TMEM130: variants seen among roughly 807,000 people sequenced by gnomAD.
TMEM130 encodes the protein transmembrane protein 130.
In TMEM130, 37 loss-of-function variants were observed where a neutral mutation model predicts 42.9. The ratio of observed to expected loss-of-function variants is 0.86; its 90% CI spans 0.66 to 1.13. The LOEUF is 1.13. Ranked by LOEUF, TMEM130 falls within the 50% of genes most tolerant of loss-of-function variation. The pLI is 0.00. For missense variants in TMEM130, 545 were observed against 562.6 expected (o/e 0.97, Z 0.32); for synonymous variants, 259 against 237.7 (o/e 1.09, Z -0.82).
At chr7:98,850,807 A>G (rs1481943931) in intron 6 of TMEM130, among the ~76,000 whole-genome samples, 1 of 152,184 alleles carries the variant, frequency 6.6e-6, no homozygotes, top group Non-Finnish European at 1.5e-5. Flanking sequence ...TAGCAGTGGC[A>G]ACTGCTGGGG....
chr7:98,865,035 T>G (rs951147501), intron 1 of TMEM130, among the ~76,000 whole-genome samples: 6 of 152,256 alleles, frequency 3.9e-5, no homozygotes, highest in African/African-American at 1.4e-4. Context: ...CTGCTATGCT[T>G]CAAACTCGTT....
At chr7:98,854,283 G>C (rs1394284023) in intron 5 of TMEM130, among the ~76,000 whole-genome samples, 1 of 152,146 alleles carries the variant, frequency 6.6e-6, no homozygotes, top group African/African-American at 2.4e-5. Context: ...GGAGAGAAGA[G>C]AACCCTGAAA....
At chr7:98,864,673 C>T (rs781862023) in intron 1 of TMEM130, among the ~76,000 whole-genome samples, 32 of 151,970 alleles carry the variant, frequency 2.1e-4, no homozygotes, top group Middle Eastern at 3.4e-3. Flanking sequence ...CCGAGGTAAG[C>T]GGATTACTTG....
rs141305554 is a variant in TMEM130 at position 98,857,932 on chromosome 7, G to T, written c.552-1749C>A. Among the ~76,000 whole-genome samples the T allele has an allele frequency of 6.5e-3, 983 of 151,716 alleles. 8 individuals are homozygous for T. The highest frequency in any genetic ancestry group is 0.023 in the African/African-American group (956 of 41,384). ...TTGTTTTGCATTTTTAGTACAGACG[G>T]GGTTTTGCCATTTTGGCCAGGCTGG... On this transcript the variant is annotated intron_variant, in intron 3 of 7. Coordinates refer to ENST00000339375, the MANE Select transcript of TMEM130 (RefSeq NM_152913.3).
At chr7:98,860,729 G>T (rs755645770) in intron 2 of TMEM130, among the ~76,000 whole-genome samples, 3 of 151,898 alleles carry the variant, frequency 2.0e-5, no homozygotes, top group Admixed American at 6.6e-5. Context: ...TGGATCACAA[G>T]GTCAAGAGTT....
Position 98,863,403 on chromosome 7 carries a change from A to G in TMEM130, c.86-3T>C. On this transcript the variant is annotated splice_polypyrimidine_tract_variant and splice_region_variant and intron_variant, in intron 1 of 7. Transcript: ENST00000339375. ...GGTGAGATTGAGTTCATACAGGCCT[A>G]GGAGCCCAGAAACAAAGACTGTGTT... 6.4e-7 allele frequency: 1 copy of G among 1,568,690 alleles called. No homozygotes were observed. The highest frequency in any genetic ancestry group is 1.8e-5 in the Admixed American group (1 of 56,952).
At chr7:98,864,003 C>T (rs914816416) in intron 1 of TMEM130, among the ~76,000 whole-genome samples, 5 of 151,994 alleles carry the variant, frequency 3.3e-5, no homozygotes, top group Non-Finnish European at 7.4e-5. Flanking sequence ...AGAGATCTTC[C>T]TGCCTCAGCC....
intron 5 of TMEM130, among the ~76,000 whole-genome samples, chr7:98,853,473 C>T (rs1554398533): frequency 6.6e-6 from 1 of 152,138 alleles, no homozygotes; most frequent in African/African-American, 2.4e-5. Context: ...ACAAAAAATA[C>T]AAAAATTAGC....
At chr7:98,863,051 A>G in intron 2 of TMEM130, 44 bp downstream of exon 2, 5 of 1,572,974 alleles carry the variant, frequency 3.2e-6, no homozygotes, top group Non-Finnish European at 2.6e-6. Flanking sequence ...TTTTCTCTGC[A>G]CCAAGGGTTT....
At chr7:98,853,756 A>G (rs1007514473) in intron 5 of TMEM130, among the ~76,000 whole-genome samples, 11 of 152,200 alleles carry the variant, frequency 7.2e-5, no homozygotes, top group African/African-American at 2.2e-4. Context: ...CTCCTCACCT[A>G]CTAAACACTC....
chr7:98,860,400 A>G, intron 2 of TMEM130, 62 bp from the exon 3 acceptor site: 2 of 1,497,534 alleles, frequency 1.3e-6, no homozygotes, highest in East Asian at 2.3e-5. Context: ...GAAACCAGGT[A>G]GAGACTTCAT....
At chr7:98,859,217 G>C (rs1794700457) in intron 3 of TMEM130, among the ~76,000 whole-genome samples, 1 of 151,960 alleles carries the variant, frequency 6.6e-6, no homozygotes, top group Non-Finnish European at 1.5e-5. Flanking sequence ...GATCACTTGA[G>C]CCCAGGAGTT....
rs1794597280 is a variant in TMEM130 at position 98,855,172 on chromosome 7, G to A, written c.803+68C>T. ...GCCTGTCACAGAGCAGAACAGACTT[G>A]GGGTCATCGTGAAGGGGGATGTGCA... On this transcript the variant is annotated intron_variant, in intron 5 of 7. Transcript: ENST00000339375. 9 of 1,414,276 alleles carry A rather than the reference G, an allele frequency of 6.4e-6. No homozygotes were observed. In the East Asian group the frequency reaches 2.1e-4, roughly 33 times the overall value. 87.6% of individuals were successfully genotyped at this position (1,414,276 alleles called of 1,614,324 possible). A position where few individuals can be genotyped will look rare whatever the true frequency, so the allele number is the denominator to read the frequency against.
Position 98,855,296 on chromosome 7 carries a change from C to A in TMEM130, c.747G>T (p.Gly249=). The A allele has an allele frequency of 6.2e-7, 1 of 1,613,328 alleles. No homozygotes were observed. The highest frequency in any genetic ancestry group is 2.2e-5 in the East Asian group (1 of 44,834). The part of the protein sequence containing the change: ...QETLRGIQVL[G]PTLIQTFQKM... ...TTTGGAAGGTCTGAATTAGGGTGGG[C>A]CCCAACACTTGGATGCCTCGAAGGG... Residue 249 remains glycine, a synonymous_variant, in exon 5 of 8, where the codon GGG becomes GGT. Transcript: ENST00000339375.
At chr7:98,851,362 G>C in intron 6 of TMEM130, 59 bp downstream of exon 6, 9 of 1,552,626 alleles carry the variant, frequency 5.8e-6, no homozygotes, top group Non-Finnish European at 8.0e-6. Context: ...GGTGGTGGCA[G>C]GATGGACAGG....
chr7:98,859,990 A>G (rs1554399524), intron 3 of TMEM130, among the ~76,000 whole-genome samples, 189 bp downstream of exon 3: 1 of 151,742 alleles, frequency 6.6e-6, no homozygotes, highest in Non-Finnish European at 1.5e-5. Context: ...AATCACTTGA[A>G]CCCAGGAGGA....
At chr7:98,851,270 A>G (rs1794496728) in intron 6 of TMEM130, 151 bp downstream of exon 6, 9 of 734,934 alleles carry the variant, frequency 1.2e-5, no homozygotes, top group Admixed American at 2.4e-5. Flanking sequence ...CACTGGAGTC[A>G]GTGGGGTTAT....
chr7:98,848,290 G>A, intron 7 of TMEM130, 82 bp from the exon 8 acceptor site: 1 of 1,563,876 alleles, frequency 6.4e-7, no homozygotes, highest in South Asian at 1.2e-5. Context: ...CCCACCAGGA[G>A]CCCCATCAGG....
At chr7:98,860,084 ATT>A in intron 3 of TMEM130, 93 bp downstream of exon 3, 1 of 1,177,910 alleles carries the variant, frequency 8.5e-7, no homozygotes, top group South Asian at 2.9e-5. Flanking sequence ...AAAAAAAAAA[ATT>A]AAAGGTGAAG....
Sources: allele counts gnomAD v4.1 joint callset (sites outside exome capture counted in the v4.1 genomes callset), GRCh38; gene constraint gnomAD v4.1.1; transcripts MANE v1.5; gene names NCBI Gene and HGNC (gene_info 2026-07-23, HGNC 2026-07-21).